The following ISM1 variants were observed in gnomAD, a reference collection of about 807,000 sequenced individuals.
The protein encoded by ISM1 is isthmin-1.
Under a neutral mutation model 46.3 loss-of-function variants are expected in ISM1, and 25 were observed. The ratio of observed to expected loss-of-function variants is 0.54; its 90% CI spans 0.39 to 0.75. The LOEUF (loss-of-function observed/expected upper bound fraction) is 0.75, where lower values mean the gene tolerates loss of function less well. Ranked by LOEUF, ISM1 falls within the 30% of genes least tolerant of loss-of-function variation. ISM1 has a pLI of 0.00. For missense variants in ISM1, 536 were observed against 625.4 expected, an observed-to-expected ratio of 0.86 and a Z score of 1.52; for synonymous variants, 255 against 256.7, an observed-to-expected ratio of 0.99 and a Z score of 0.06.
At chr20:13,239,390 C>T (rs766458770) in intron 1 of ISM1, 1 of 152,194 alleles carries the variant, frequency 6.6e-6, no homozygotes, top group Non-Finnish European at 1.5e-5. Context: ...ATGGCCTTGG[C>T]CTTAAGTTTT....
At chr20:13,279,953 G>A (rs2040220496) in intron 3 of ISM1, 55 bp downstream of exon 3, 1 of 1,536,840 alleles carries the variant, frequency 6.5e-7, no homozygotes, top group East Asian at 2.3e-5. Context: ...CGAGGATGAT[G>A]CCTTGGACAT....
At chr20:13,320,274 A>C in the ISM1 span, among the ~76,000 whole-genome samples, 1,731 of 152,248 alleles carry the variant, frequency 0.011, 34 homozygotes, top group African/African-American at 0.038. Flanking sequence ...ATACTTCCTA[A>C]ATTCCCAAAT....
intron 1 of ISM1, among the ~76,000 whole-genome samples, chr20:13,246,868 T>A (rs1421704949): frequency 1.3e-5 from 2 of 152,176 alleles, no homozygotes; most frequent in Non-Finnish European, 2.9e-5. Flanking sequence ...TGCATTGTAA[T>A]TAATATCCTT....
chr20:13,301,665 G>A (rs1237034839), downstream of ISM1, among the ~76,000 whole-genome samples: 1 of 152,094 alleles, frequency 6.6e-6, no homozygotes, highest in Non-Finnish European at 1.5e-5. Context: ...CGTGTATCAG[G>A]CATATAGATT....
chr20:13,227,994 T>C (rs974465371), intron 1 of ISM1, among the ~76,000 whole-genome samples: 2 of 145,766 alleles, frequency 1.4e-5, no homozygotes, highest in Non-Finnish European at 3.0e-5. Context: ...AGATGGAGTC[T>C]AGCTCTGTTG....
At chr20:13,266,938 G>A (rs1600527178) in intron 1 of ISM1, among the ~76,000 whole-genome samples, 1 of 152,202 alleles carries the variant, frequency 6.6e-6, no homozygotes, top group East Asian at 1.9e-4. Flanking sequence ...CAAGGAGGAT[G>A]TGCAGTAAGT....
the ISM1 span, among the ~76,000 whole-genome samples, chr20:13,312,394 C>A: frequency 9.9e-5 from 15 of 152,140 alleles, no homozygotes; most frequent in Non-Finnish European, 1.9e-4. Context: ...GGTAATGAAG[C>A]CACTCCTACC....
At chr20:13,236,860 C>T (rs181050366) in intron 1 of ISM1, among the ~76,000 whole-genome samples, 8 of 152,336 alleles carry the variant, frequency 5.3e-5, no homozygotes, top group African/African-American at 1.9e-4. Flanking sequence ...TGGTCTTGGG[C>T]AGCTCTGCCC....
chr20:13,238,281 T>A (rs2039676018), intron 1 of ISM1, among the ~76,000 whole-genome samples: 1 of 152,176 alleles, frequency 6.6e-6, no homozygotes, highest in Non-Finnish European at 1.5e-5. Flanking sequence ...TATATTTTTA[T>A]GCTCTAGCCC....
the ISM1 span, among the ~76,000 whole-genome samples, chr20:13,309,462 C>T: frequency 6.6e-6 from 1 of 152,252 alleles, no homozygotes; most frequent in East Asian, 1.9e-4. Flanking sequence ...CCACAGCTAA[C>T]ATCATACTCA....
intron 4 of ISM1, among the ~76,000 whole-genome samples, chr20:13,291,897 G>A (rs1303712158): frequency 6.6e-6 from 1 of 152,154 alleles, no homozygotes; most frequent in East Asian, 1.9e-4. Flanking sequence ...AACTCTAGGA[G>A]GTAGGGCAAT....
chr20:13,298,194 C>T (rs1363641149), intron 5 of ISM1, among the ~76,000 whole-genome samples: 4 of 152,186 alleles, frequency 2.6e-5, no homozygotes, highest in Admixed American at 2.6e-4. Context: ...CAACCTCTGC[C>T]TCCCAGGTTC....
At chr20:13,286,160 G>T (rs1307888296) in intron 3 of ISM1, among the ~76,000 whole-genome samples, 1 of 152,042 alleles carries the variant, frequency 6.6e-6, no homozygotes, top group East Asian at 1.9e-4. Flanking sequence ...ACAAAATCTG[G>T]CCTCGGTGGT....
intron 1 of ISM1, among the ~76,000 whole-genome samples, chr20:13,223,122 A>T (rs1600470104): frequency 6.6e-6 from 1 of 151,658 alleles, no homozygotes; most frequent in Non-Finnish European, 1.5e-5. Context: ...GCGCCACTGC[A>T]CTCCAGCCTG....
chr20:13,294,559 A>G (rs1011368944), intron 5 of ISM1, among the ~76,000 whole-genome samples: 1 of 152,198 alleles, frequency 6.6e-6, no homozygotes. Flanking sequence ...GGCTAAGGAC[A>G]CCAGAGCTGA....
At chr20:13,250,017 G>T (rs912695576) in intron 1 of ISM1, among the ~76,000 whole-genome samples, 1 of 152,092 alleles carries the variant, frequency 6.6e-6, no homozygotes, top group African/African-American at 2.4e-5. Flanking sequence ...TCCATCGATC[G>T]CTTCCAGGGG....
chr20:13,288,922 T>G (rs1022827730), intron 4 of ISM1, among the ~76,000 whole-genome samples: 4 of 152,054 alleles, frequency 2.6e-5, no homozygotes, highest in African/African-American at 9.7e-5. Context: ...GTAGCTGGGA[T>G]TACAGGCACA....
At chr20:13,272,181 A>G (rs1426003062) in intron 2 of ISM1, among the ~76,000 whole-genome samples, 1 of 152,122 alleles carries the variant, frequency 6.6e-6, no homozygotes, top group African/African-American at 2.4e-5. Flanking sequence ...ACATAGCAGA[A>G]AGTTCCTGAA....
At chr20:13,251,638 G>A (rs1278831267) in intron 1 of ISM1, among the ~76,000 whole-genome samples, 1 of 152,192 alleles carries the variant, frequency 6.6e-6, no homozygotes, top group East Asian at 1.9e-4. Flanking sequence ...AGAAGCTAGA[G>A]CTAGAAATAT....
Sources: gnomAD v4.1 joint callset for allele counts (sites outside exome capture counted in the v4.1 genomes callset) on GRCh38, gnomAD v4.1.1 for gene constraint, MANE v1.5 for transcripts, NCBI Gene and HGNC (gene_info 2026-07-23, HGNC 2026-07-21) for gene names.